The following HDDC2 variants were observed in gnomAD, a reference collection of about 807,000 sequenced individuals.
HDDC2 encodes the protein 5'-deoxynucleotidase HDDC2.
Under a neutral mutation model 25.5 loss-of-function variants are expected in HDDC2, and 25 were observed. The observed-to-expected ratio is 0.98, with a 90% CI of 0.72 to 1.37. The LOEUF is 1.37. HDDC2 is among the 40% of genes most tolerant of loss of function. The pLI is 0.00. For synonymous variants in HDDC2, 106 were observed against 89.7 expected, an observed-to-expected ratio of 1.18 and a Z score of -1.03; for missense variants, 264 against 253.1, an observed-to-expected ratio of 1.04 and a Z score of -0.29.
Position 125,276,053 on chromosome 6 carries a change from T to C in HDDC2, c.*93A>G. 1.1e-6 allele frequency: 1 copy of C among 916,492 alleles called. No individual in the cohort carries two copies. The highest frequency in any genetic ancestry group is 1.8e-6 in the Non-Finnish European group (1 of 558,188). 56.8% of individuals were successfully genotyped at this position (916,492 alleles called of 1,614,324 possible). On this transcript the variant is annotated 3_prime_UTR_variant, in exon 6 of 6. Transcript: ENST00000398153. Reference sequence around the variant, plus strand: ...AATTGAAAACAAACAGACTCACATCTAGGGAAATCAACAGACCAACAATGG... The same window carrying C: ...AATTGAAAACAAACAGACTCACATCCAGGGAAATCAACAGACCAACAATGG...
chr6:125,285,770 C>T (rs1798525631), intron 4 of HDDC2, among the ~76,000 whole-genome samples: 1 of 151,928 alleles, frequency 6.6e-6, no homozygotes, highest in African/African-American at 2.4e-5. Flanking sequence ...AAAAAAAATC[C>T]TTTGGACACC....
Position 125,300,573 on chromosome 6 carries a change from A to G in HDDC2, c.171T>C (p.Ala57=), listed in dbSNP as rs1308525059. The G allele has an allele frequency of 3.1e-6, 5 of 1,614,202 alleles. No homozygotes were observed. In the Admixed American group the frequency reaches 8.3e-5, roughly 27 times the overall value. Residue 57 remains alanine (A), a synonymous_variant, in exon 2 of 6, where the codon GCT becomes GCC. Coordinates refer to ENST00000398153, the MANE Select transcript of HDDC2 (RefSeq NM_016063.3). ...TAAGACGGTCATCTTTGATCACCAT[A>G]GCCATAACTGCCATCCGGTACATGT... is the stretch of plus-strand genomic sequence containing the variant. ...SDHMYRMAVM[A]MVIKDDRLNK... is the part of the protein sequence containing the mutation.
At chr6:125,300,745 C>T (rs1798786743) in intron 1 of HDDC2, 86 bp from the exon 2 acceptor site, 1 of 1,319,504 alleles carries the variant, frequency 7.6e-7, no homozygotes, top group Non-Finnish European at 1.0e-6. Flanking sequence ...CAGGATATAA[C>T]ACACAGAAGC....
intron 3 of HDDC2, among the ~76,000 whole-genome samples, chr6:125,294,687 G>A (rs777070908): frequency 1.1e-4 from 17 of 152,130 alleles, no homozygotes; most frequent in Non-Finnish European, 2.4e-4. Context: ...GCTCTGACAG[G>A]AGACTATTTT....
intron 4 of HDDC2, among the ~76,000 whole-genome samples, chr6:125,291,000 T>C (rs1207794963): frequency 3.3e-5 from 5 of 152,232 alleles, no homozygotes; most frequent in Non-Finnish European, 4.4e-5. Context: ...TGCCACCATG[T>C]CTACAATAAT....
intron 5 of HDDC2, chr6:125,276,449 T>G (rs1798371188): frequency 1.8e-6 from 1 of 566,936 alleles, no homozygotes; most frequent in African/African-American, 1.9e-5. Flanking sequence ...CAGGTGCAAC[T>G]GAGAATAAGG....
chr6:125,277,118 G>A lies in HDDC2; in HGVS notation c.501C>T (p.Phe167=). ...GTTGAGTACCTGCTGTGGAATCATA[G>A]AAGTCTTGCAGTCTCCCAGGTTTGT... The part of the protein sequence containing the change: ...LEHKPGRLQD[F]YDSTAGKFNH... The change falls in exon 5 of 6, where the codon TTC becomes TTT. Residue 167 remains phenylalanine (F), a synonymous_variant. Coordinates refer to ENST00000398153, the MANE Select transcript of HDDC2 (RefSeq NM_016063.3). The A allele has an allele frequency of 6.2e-7, 1 of 1,614,060 alleles. No homozygotes were observed. The highest frequency in any genetic ancestry group is 8.5e-7 in the Non-Finnish European group (1 of 1,179,982).
chr6:125,283,169 A>C (rs1798483983), intron 4 of HDDC2, among the ~76,000 whole-genome samples: 1 of 152,184 alleles, frequency 6.6e-6, no homozygotes, highest in South Asian at 2.1e-4. Context: ...CATATCTCAA[A>C]ATAATAAGAG....
chr6:125,298,212 C>CATGT (rs1171696267), intron 3 of HDDC2, among the ~76,000 whole-genome samples: 1 of 152,132 alleles, frequency 6.6e-6, no homozygotes, highest in Non-Finnish European at 1.5e-5. Flanking sequence ...AACAAATCTA[C>CATGT]ACATGTACCC....
At chr6:125,295,283 G>A (rs532731619) in intron 3 of HDDC2, among the ~76,000 whole-genome samples, 3 of 152,222 alleles carry the variant, frequency 2.0e-5, no homozygotes, top group South Asian at 2.1e-4. Context: ...CTAAAGTGCC[G>A]AGCTGAATGA....
At chr6:125,292,661 T>C (rs1425827947) in intron 4 of HDDC2, among the ~76,000 whole-genome samples, 180 bp downstream of exon 4, 1 of 152,014 alleles carries the variant, frequency 6.6e-6, no homozygotes, top group Non-Finnish European at 1.5e-5. Flanking sequence ...CTTGGAGAGA[T>C]ACAAAATTTC....
chr6:125,289,844 G>A (rs1230335443), intron 4 of HDDC2, among the ~76,000 whole-genome samples: 4 of 152,256 alleles, frequency 2.6e-5, no homozygotes, highest in African/African-American at 9.6e-5. Context: ...ACATGCAGGA[G>A]AGGCTCCCCT....
At chr6:125,287,635 A>C (rs571695857) in intron 4 of HDDC2, among the ~76,000 whole-genome samples, 54 of 152,184 alleles carry the variant, frequency 3.5e-4, no homozygotes, top group Non-Finnish European at 5.1e-4. Context: ...AAGGTTTTTC[A>C]GGAGAATGTA....
chr6:125,276,434 C>A, intron 5 of HDDC2, 191 bp from the exon 6 acceptor site: 1 of 578,942 alleles, frequency 1.7e-6, no homozygotes, highest in Non-Finnish European at 3.1e-6. Context: ...TACGCTCTGT[C>A]ACCCCAGGTG....
In HDDC2 at chr6:125,277,079, T is replaced by C. The variant is rs139764635; in HGVS notation, c.517+23A>G. ...GAGTAAGCCAAACTAAAATGGACTC[T>C]TGTTGAAAATGGTGTTGAGTACCTG... On this transcript the variant is annotated intron_variant, in intron 5 of 5. Coordinates refer to ENST00000398153, the MANE Select transcript of HDDC2 (RefSeq NM_016063.3). 1,880 of 1,613,348 alleles carry C rather than the reference T, an allele frequency of 1.2e-3. 1 individual carries two copies. Among genetic ancestry groups the C allele is most frequent in the Non-Finnish European group, 1.5e-3 (1,790 of 1,179,628 alleles).
chr6:125,285,980 A>C (rs1287911562), intron 4 of HDDC2, among the ~76,000 whole-genome samples: 5 of 152,186 alleles, frequency 3.3e-5, no homozygotes, highest in Non-Finnish European at 1.5e-5. Context: ...CGGGACCTTA[A>C]ATCTTAAATC....
At chr6:125,277,702 T>C (rs1798391786) in intron 4 of HDDC2, 1 of 153,844 alleles carries the variant, frequency 6.5e-6, no homozygotes, top group Admixed American at 6.5e-5. Flanking sequence ...ATCATTTACT[T>C]TTGGTTACCA....
chr6:125,276,075 A>C lies in HDDC2; in HGVS notation c.*71T>G. On this transcript the variant is annotated 3_prime_UTR_variant, in exon 6 of 6. Coordinates refer to ENST00000398153, the MANE Select transcript of HDDC2 (RefSeq NM_016063.3). ...ATCTAGGGAAATCAACAGACCAACA[A>C]TGGCAAAACACAATACAATGAAATG... The C allele has an allele frequency of 8.6e-7, 1 of 1,156,590 alleles. No individual in the cohort carries two copies. The highest frequency in any genetic ancestry group is 1.3e-6 in the Non-Finnish European group (1 of 767,302). 71.6% of individuals were successfully genotyped at this position (1,156,590 alleles called of 1,614,324 possible). A position where few individuals can be genotyped will look rare whatever the true frequency, so the allele number is the denominator to read the frequency against.
chr6:125,287,024 G>A (rs1274492342), intron 4 of HDDC2, among the ~76,000 whole-genome samples: 1 of 152,178 alleles, frequency 6.6e-6, no homozygotes, highest in Non-Finnish European at 1.5e-5. Context: ...GATCTAGCCT[G>A]TGGAACTAGC....
Sources: gnomAD v4.1 joint callset for allele counts (sites outside exome capture counted in the v4.1 genomes callset) on GRCh38, gnomAD v4.1.1 for gene constraint, MANE v1.5 for transcripts, NCBI Gene and HGNC (gene_info 2026-07-23, HGNC 2026-07-21) for gene names.